The following HIVEP3 variants were observed in gnomAD, a reference collection of about 807,000 sequenced individuals.
HIVEP3 encodes the protein transcription factor HIVEP3.
A neutral mutation model predicts 152.8 loss-of-function variants in HIVEP3; 49 were observed. The observed-to-expected ratio is 0.32, with a 90% CI of 0.26 to 0.41. The LOEUF (loss-of-function observed/expected upper bound fraction) is 0.41. Among genes scored for constraint, HIVEP3 ranks in the 10% least tolerant of loss-of-function variants. HIVEP3 has a pLI of 1.00. For synonymous variants in HIVEP3, 1,269 were observed against 1,289.0 expected (o/e 0.98, Z 0.33); for missense variants, 2,790 against 3,103.3 (o/e 0.90, Z 2.40).
intron 3 of HIVEP3, among the ~76,000 whole-genome samples, chr1:41,604,801 A>G (rs1644794256): frequency 6.6e-6 from 1 of 152,130 alleles, no homozygotes. Context: ...AACCAATCTT[A>G]TGGTATTAGA....
At chr1:41,928,618 A>T (rs1644979663) in intron 1 of HIVEP3, among the ~76,000 whole-genome samples, 1 of 152,144 alleles carries the variant, frequency 6.6e-6, no homozygotes, top group South Asian at 2.1e-4. Flanking sequence ...CATTTAGTTG[A>T]CATTTCTCCT....
chr1:42,033,781 C>A (rs1293192169), intron 1 of HIVEP3, among the ~76,000 whole-genome samples: 1 of 152,212 alleles, frequency 6.6e-6, no homozygotes, highest in African/African-American at 2.4e-5. Context: ...GTACAGACAG[C>A]AGGTAGAAAT....
At chr1:41,660,996 A>C (rs1645703407) in intron 2 of HIVEP3, among the ~76,000 whole-genome samples, 2 of 152,230 alleles carry the variant, frequency 1.3e-5, no homozygotes, top group Admixed American at 1.3e-4. Flanking sequence ...TCTAAGTCAC[A>C]GAGCAGAGCC....
intron 1 of HIVEP3, among the ~76,000 whole-genome samples, chr1:41,736,224 T>C (rs1000064324): frequency 3.3e-5 from 5 of 152,200 alleles, no homozygotes; most frequent in Admixed American, 1.3e-4. Flanking sequence ...CATGCCTCCA[T>C]GGCATTCGTT....
At chr1:41,969,546 C>A (rs1319495687) in intron 1 of HIVEP3, among the ~76,000 whole-genome samples, 1 of 152,112 alleles carries the variant, frequency 6.6e-6, no homozygotes, top group Non-Finnish European at 1.5e-5. Context: ...ATACCTTATA[C>A]AAAAATTAGC....
chr1:41,783,893 C>T (rs1649195126), intron 1 of HIVEP3, among the ~76,000 whole-genome samples: 1 of 152,136 alleles, frequency 6.6e-6, no homozygotes, highest in South Asian at 2.1e-4. Flanking sequence ...GGAAACTCTT[C>T]CAAAAAGGGT....
At position 41,580,095 on chromosome 1, in the gene HIVEP3, G is replaced by A. The variant is rs200451722; in HGVS notation, c.4703C>T (p.Pro1568Leu). The change falls in exon 4 of 9, where the codon CCG (proline) becomes CTG (leucine). Residue 1568 changes from proline (P) to leucine (L), a missense_variant. By Grantham distance (98) the Pro-to-Leu change is moderately conservative (BLOSUM62 -3). Coordinates refer to ENST00000372583, the MANE Select transcript of HIVEP3 (RefSeq NM_024503.5). ...EQPDLPSLAP[P>L]SSLPLSETSS... ...CGTTTCTGACAGAGGCAGAGAGCTCGGAGGTGCCAAGGAGGGGAGATCAGG... is the reference window on the plus strand; with the variant it reads ...CGTTTCTGACAGAGGCAGAGAGCTCAGAGGTGCCAAGGAGGGGAGATCAGG... 224 of 1,614,226 alleles carry A rather than the reference G, an allele frequency of 1.4e-4. 1 individual carries two copies. Among genetic ancestry groups the A allele is most frequent in the South Asian group, 1.3e-4 (12 of 91,086 alleles).
chr1:41,741,839 A>T (rs893783999), intron 1 of HIVEP3, among the ~76,000 whole-genome samples: 2 of 152,238 alleles, frequency 1.3e-5, no homozygotes, highest in African/African-American at 4.8e-5. Flanking sequence ...CTGTTTTGAA[A>T]ACTAGAAGCC....
Position 41,511,849 on chromosome 1 carries a change from G to A in HIVEP3, c.6406-583C>T, listed in dbSNP as rs74071560. The stretch of plus-strand genomic sequence containing the variant: ...ACAATGATGGTGCTATCGGTGGAGG[G>A]GTCATGGCAGCTGAGGGGACAGGGA... On this transcript the variant is annotated intron_variant, in intron 8 of 8. Coordinates refer to ENST00000372583, the MANE Select transcript of HIVEP3 (RefSeq NM_024503.5). The surrounding 1 kb of genome is among the most constrained non-coding windows in gnomAD (Gnocchi z 4.9). 2.6e-3 allele frequency among the ~76,000 whole-genome samples: 397 copies of A among 152,306 alleles called. 5 individuals carry two copies. Among genetic ancestry groups the A allele is most frequent in the African/African-American group, 8.6e-3 (359 of 41,554 alleles).
chr1:41,779,085 C>T (rs1648883208), intron 1 of HIVEP3, among the ~76,000 whole-genome samples: 1 of 152,228 alleles, frequency 6.6e-6, no homozygotes, highest in Non-Finnish European at 1.5e-5. Context: ...TGGGCCTGGG[C>T]CTCAGCTTGC....
chr1:41,763,747 T>A (rs574098215), intron 1 of HIVEP3, among the ~76,000 whole-genome samples: 1 of 152,268 alleles, frequency 6.6e-6, no homozygotes, highest in Admixed American at 6.5e-5. Flanking sequence ...GTTTGGAGAT[T>A]GTGTTAGTGG....
intron 1 of HIVEP3, among the ~76,000 whole-genome samples, chr1:41,926,151 A>C (rs1644967303): frequency 6.6e-6 from 1 of 152,120 alleles, no homozygotes; most frequent in South Asian, 2.1e-4. Flanking sequence ...TGTTTAGCTT[A>C]TTGAAGTCAT....
At chr1:41,605,797 GT>G (rs1321540420) in intron 3 of HIVEP3, among the ~76,000 whole-genome samples, 1 of 152,056 alleles carries the variant, frequency 6.6e-6, no homozygotes, top group Non-Finnish European at 1.5e-5. Context: ...TGGTTAGAGT[GT>G]TGGGTGTGCA....
chr1:41,843,800 C>G (rs886657354), intron 1 of HIVEP3, among the ~76,000 whole-genome samples: 4 of 152,140 alleles, frequency 2.6e-5, no homozygotes, highest in Admixed American at 1.3e-4. Flanking sequence ...TACATGTGCA[C>G]AATGTGCAGG....
At chr1:41,828,111 G>T (rs1460459562) in intron 1 of HIVEP3, among the ~76,000 whole-genome samples, 1 of 152,228 alleles carries the variant, frequency 6.6e-6, no homozygotes, top group East Asian at 1.9e-4. Context: ...CTGGGATGAT[G>T]CCGGGCTTCC....
chr1:41,670,396 C>T (rs868494640), intron 2 of HIVEP3, among the ~76,000 whole-genome samples: 4 of 152,300 alleles, frequency 2.6e-5, no homozygotes, highest in Middle Eastern at 3.4e-3. Flanking sequence ...AAACAGGATG[C>T]TGCCCTGAGC....
intron 5 of HIVEP3, among the ~76,000 whole-genome samples, chr1:41,531,390 G>C (rs111162295): frequency 0.033 from 4,623 of 141,708 alleles, 134 homozygotes; most frequent in Admixed American, 0.06. Flanking sequence ...GGCGATAGAG[G>C]ACAGGGGAGA....
At chr1:41,801,470 T>C (rs187243927) in intron 1 of HIVEP3, among the ~76,000 whole-genome samples, 5 of 152,342 alleles carry the variant, frequency 3.3e-5, no homozygotes, top group South Asian at 2.1e-4. Context: ...CCCCAGGTAG[T>C]AGTTCCAGCC....
chr1:41,516,675 T>C (rs1323304702), intron 7 of HIVEP3, among the ~76,000 whole-genome samples: 2 of 152,200 alleles, frequency 1.3e-5, no homozygotes, highest in African/African-American at 4.8e-5. Flanking sequence ...CCTCAGGCTC[T>C]AGCTCTCTCT....
Sources: allele counts gnomAD v4.1 joint callset (sites outside exome capture counted in the v4.1 genomes callset), GRCh38; gene constraint gnomAD v4.1.1; non-coding constraint Gnocchi (gnomAD v3.1); transcripts MANE v1.5; gene names NCBI Gene and HGNC (gene_info 2026-07-23, HGNC 2026-07-21).